The following KATNAL2 variants were observed in gnomAD, a reference collection of about 807,000 sequenced individuals.
The protein encoded by KATNAL2 is katanin catalytic subunit A1 like 2.
KATNAL2 carries 52 observed loss-of-function variants against 76.3 expected under a neutral mutation model. The observed-to-expected ratio is 0.68, with a 90% CI of 0.55 to 0.86. The LOEUF (loss-of-function observed/expected upper bound fraction) is 0.86. Ranked by LOEUF, KATNAL2 falls within the 40% of genes least tolerant of loss-of-function variation. The pLI, the probability that KATNAL2 is intolerant of heterozygous loss-of-function variation, is 0.00. For synonymous variants in KATNAL2, 243 were observed against 244.2 expected, an observed-to-expected ratio of 1.00 and a Z score of 0.05; for missense variants, 660 against 668.9, an observed-to-expected ratio of 0.99 and a Z score of 0.15.
chr18:47,054,529 T>G (rs2061419281), intron 6 of KATNAL2, 91 bp downstream of exon 6: 5 of 1,271,866 alleles, frequency 3.9e-6, no homozygotes, highest in Non-Finnish European at 3.4e-6. Flanking sequence ...GCTCTGTGAC[T>G]GTCTCCCAGC....
At chr18:46,955,300 T>TCTGCCTCCCAGGTTCAAGTGATTCTC (rs1244123173) in intron 3 of KATNAL2, among the ~76,000 whole-genome samples, 2 of 151,562 alleles carry the variant, frequency 1.3e-5, no homozygotes, top group Non-Finnish European at 2.9e-5. Context: ...CACCGCAACT[T>TCTGCCTCCCAGGTTCAAGTGATTCTC]CTGCCTCCCA....
At chr18:46,925,380 A>G (rs2058697073) in intron 1 of KATNAL2, among the ~76,000 whole-genome samples, 1 of 152,186 alleles carries the variant, frequency 6.6e-6, no homozygotes, top group Admixed American at 6.5e-5. Flanking sequence ...ATGTTGGATT[A>G]CATTCATTGA....
At chr18:47,099,111 A>G (rs1481863753) in intron 15 of KATNAL2, 132 bp from the exon 16 acceptor site, 1 of 786,556 alleles carries the variant, frequency 1.3e-6, no homozygotes, top group African/African-American at 1.7e-5. Flanking sequence ...CCATCCACTC[A>G]AGGCATAGAT....
chr18:47,055,806 C>G lies in KATNAL2; in HGVS notation c.332+1368C>G, dbSNP rs571630623. The stretch of plus-strand genomic sequence containing the variant: ...CAAATGCTCTGTGAGTGAATGGTGT[C>G]AGAGTGCTTTGTTCCCCTTAGGCAA... On this transcript the variant is annotated intron_variant, in intron 6 of 17. Transcript: ENST00000683218. Among the ~76,000 whole-genome samples, 26 of 152,282 alleles carry G rather than the reference C, an allele frequency of 1.7e-4. No individual in the cohort carries two copies. The South Asian group carries it at 5.2e-3, about 30-fold the overall frequency.
intron 1 of KATNAL2, among the ~76,000 whole-genome samples, chr18:46,930,619 C>G (rs1415081447): frequency 5.9e-5 from 9 of 151,902 alleles, no homozygotes; most frequent in Non-Finnish European, 1.0e-4. Context: ...AGTTCGAGAC[C>G]AGCCTGGCCA....
In KATNAL2 at chr18:46,932,351, A is replaced by G. The variant is rs80116751; in HGVS notation, c.-509-13706A>G. Among the ~76,000 whole-genome samples the G allele has an allele frequency of 6.6e-5, 10 of 152,296 alleles. No homozygotes were observed. In the East Asian group the frequency reaches 1.7e-3, roughly 26 times the overall value. ...CTTCCAATAAATATGAGAACACAGA[A>G]GAAATGTACACAAACTACTAAAAGA... On this transcript the variant is annotated intron_variant, in intron 1 of 17. Coordinates refer to ENST00000683218, the MANE Select transcript of KATNAL2 (RefSeq NM_001387690.1).
chr18:47,100,933 T>C lies in KATNAL2; in HGVS notation c.1545T>C (p.Thr515=), dbSNP rs1293225561. 1.2e-6 allele frequency: 2 copies of C among 1,614,116 alleles called. No individual in the cohort carries two copies. Among genetic ancestry groups the C allele is most frequent in the Non-Finnish European group, 1.7e-6 (2 of 1,180,024 alleles). The stretch of plus-strand genomic sequence containing the variant: ...CTGCCGACTTTCTGGATGTGCTAAC[T>C]CACACCAAGCCCTCCGCAAAGAATC... ...VTTADFLDVL[T]HTKPSAKNLA... is the part of the protein sequence containing the mutation. The change falls in exon 18 of 18, where the codon ACT becomes ACC. Residue 515 remains threonine, a synonymous_variant. Transcript: ENST00000683218.
At chr18:47,087,793 A>G (rs1358633357) in intron 15 of KATNAL2, among the ~76,000 whole-genome samples, 1 of 147,060 alleles carries the variant, frequency 6.8e-6, no homozygotes, top group Non-Finnish European at 1.5e-5. Flanking sequence ...TAGAGCACAT[A>G]CACAGAGCAA....
chr18:47,100,527 C>T (rs1404003527), intron 17 of KATNAL2, among the ~76,000 whole-genome samples, 171 bp downstream of exon 17: 2 of 152,120 alleles, frequency 1.3e-5, no homozygotes, highest in Non-Finnish European at 2.9e-5. Context: ...TGATTTGGAT[C>T]GACTTTGCTT....
At chr18:47,036,640 T>A (rs778477153) in intron 3 of KATNAL2, among the ~76,000 whole-genome samples, 40 of 152,272 alleles carry the variant, frequency 2.6e-4, no homozygotes, top group Non-Finnish European at 3.8e-4. Flanking sequence ...GCTATTATTG[T>A]TGAAACAGAT....
intron 3 of KATNAL2, among the ~76,000 whole-genome samples, chr18:46,968,254 A>C (rs1327266776): frequency 8.4e-6 from 1 of 119,756 alleles, no homozygotes; most frequent in African/African-American, 3.2e-5. Context: ...CACCAACAGC[A>C]ACAAAACATT....
intron 1 of KATNAL2, among the ~76,000 whole-genome samples, chr18:46,927,113 T>G (rs1443534532): frequency 6.6e-6 from 1 of 152,218 alleles, no homozygotes; most frequent in Non-Finnish European, 1.5e-5. Context: ...ATGTGTGAAT[T>G]TGATCCTGTC....
At chr18:46,959,950 A>G (rs908274862) in intron 3 of KATNAL2, among the ~76,000 whole-genome samples, 4 of 152,242 alleles carry the variant, frequency 2.6e-5, no homozygotes, top group Admixed American at 1.3e-4. Flanking sequence ...AAAAATTGAT[A>G]TGACCTTCTA....
chr18:47,045,758 G>A (rs961711857), intron 3 of KATNAL2, among the ~76,000 whole-genome samples: 1 of 152,222 alleles, frequency 6.6e-6, no homozygotes, highest in Non-Finnish European at 1.5e-5. Context: ...AGATAGATAA[G>A]TTATTTTCAA....
chr18:47,048,142 C>A (rs1397451131), intron 4 of KATNAL2, among the ~76,000 whole-genome samples: 1 of 152,120 alleles, frequency 6.6e-6, no homozygotes, highest in African/African-American at 2.4e-5. Context: ...CACAGGACAG[C>A]CCCCATAACA....
chr18:47,040,302 T>C (rs1471876227), intron 3 of KATNAL2, among the ~76,000 whole-genome samples: 2 of 152,254 alleles, frequency 1.3e-5, no homozygotes, highest in African/African-American at 4.8e-5. Flanking sequence ...TGTTTGTTTC[T>C]GGCAAGTTTG....
chr18:47,054,563 C>G, intron 6 of KATNAL2, 125 bp downstream of exon 6: 2 of 938,254 alleles, frequency 2.1e-6, no homozygotes, highest in South Asian at 3.0e-5. Flanking sequence ...GTCATGTGAC[C>G]TGGCCCAGCC....
intron 15 of KATNAL2, among the ~76,000 whole-genome samples, chr18:47,079,401 C>CTT (rs567436547): frequency 5.5e-5 from 8 of 144,966 alleles, no homozygotes; most frequent in Non-Finnish European, 9.1e-5. Flanking sequence ...TCTTTTTTTT[C>CTT]TTTTTTTTTT....
intron 1 of KATNAL2, among the ~76,000 whole-genome samples, chr18:46,927,823 A>G (rs1219763022): frequency 6.6e-6 from 1 of 151,660 alleles, no homozygotes; most frequent in African/African-American, 2.4e-5. Flanking sequence ...TTCTCGCTTC[A>G]TTTCATTCAT....
Sources: allele counts gnomAD v4.1 joint callset (sites outside exome capture counted in the v4.1 genomes callset), GRCh38; gene constraint gnomAD v4.1.1; transcripts MANE v1.5; gene names NCBI Gene and HGNC (gene_info 2026-07-23, HGNC 2026-07-21).